The following EPS15 variants were observed in gnomAD, a reference collection of about 807,000 sequenced individuals.
The protein encoded by EPS15 is epidermal growth factor receptor pathway substrate 15.
EPS15 carries 72 observed loss-of-function variants against 113.8 expected under a neutral mutation model. That is an observed-to-expected ratio of 0.63 (90% confidence interval 0.52 to 0.77). The LOEUF (loss-of-function observed/expected upper bound fraction) is 0.77, where lower values mean the gene tolerates loss of function less well. Among genes scored for constraint, EPS15 ranks in the 30% least tolerant of loss-of-function variants. The pLI, the probability that EPS15 is intolerant of heterozygous loss-of-function variation, is 0.00. For missense variants in EPS15, 1,048 were observed against 1,045.8 expected (o/e 1.00, Z -0.03); for synonymous variants, 344 against 363.4 (o/e 0.95, Z 0.61).
chr1:51,441,808 A>G (rs1036800514), intron 11 of EPS15, among the ~76,000 whole-genome samples: 1 of 152,172 alleles, frequency 6.6e-6, no homozygotes, highest in Non-Finnish European at 1.5e-5. Flanking sequence ...TACGTAGTTT[A>G]ATCAAGAGTC....
At chr1:51,473,923 G>T (rs558571765) in intron 2 of EPS15, among the ~76,000 whole-genome samples, 2 of 152,250 alleles carry the variant, frequency 1.3e-5, no homozygotes, top group African/African-American at 4.8e-5. Context: ...TGGAATAAGA[G>T]GAAGTATAAG....
chr1:51,467,152 G>A (rs954211916), intron 5 of EPS15, among the ~76,000 whole-genome samples: 6 of 152,128 alleles, frequency 3.9e-5, no homozygotes, highest in Non-Finnish European at 8.8e-5. Context: ...CTATCAAACC[G>A]CAAAGATCTA....
At chr1:51,500,109 G>A (rs1441005743) in intron 1 of EPS15, among the ~76,000 whole-genome samples, 2 of 152,098 alleles carry the variant, frequency 1.3e-5, no homozygotes, top group Non-Finnish European at 2.9e-5. Flanking sequence ...CCTTCTTGTA[G>A]CATATATCAG....
intron 22 of EPS15, among the ~76,000 whole-genome samples, 183 bp from the exon 23 acceptor site, chr1:51,364,211 T>C (rs111921820): frequency 2.6e-5 from 4 of 152,136 alleles, no homozygotes; most frequent in Non-Finnish European, 5.9e-5. Context: ...AGTTATTCTA[T>C]ATGAGGAGTG....
At chr1:51,419,895 T>C (rs1162204745) in intron 13 of EPS15, among the ~76,000 whole-genome samples, 2 of 152,120 alleles carry the variant, frequency 1.3e-5, no homozygotes, top group Admixed American at 1.3e-4. Flanking sequence ...TAATTACTGG[T>C]AGATGTCAAC....
chr1:51,446,310 T>C (rs577182249), intron 10 of EPS15, among the ~76,000 whole-genome samples: 1 of 152,350 alleles, frequency 6.6e-6, no homozygotes, highest in East Asian at 1.9e-4. Flanking sequence ...ACTATAAAAT[T>C]ATGCAGGTAT....
chr1:51,467,377 T>C (rs1290268049), intron 5 of EPS15, among the ~76,000 whole-genome samples: 2 of 152,250 alleles, frequency 1.3e-5, no homozygotes. Flanking sequence ...TGTCCAAGTT[T>C]ATTATTCATT....
At chr1:51,505,316 T>C (rs1231828817) in intron 1 of EPS15, among the ~76,000 whole-genome samples, 4 of 152,132 alleles carry the variant, frequency 2.6e-5, no homozygotes, top group Non-Finnish European at 4.4e-5. Context: ...AAACAAAATG[T>C]GGTATAACCA....
intron 12 of EPS15, 98 bp from the exon 13 acceptor site, chr1:51,421,956 T>C (rs778226898): frequency 1.3e-6 from 2 of 1,511,992 alleles, no homozygotes; most frequent in Non-Finnish European, 8.9e-7. Context: ...TTTAAATACA[T>C]AGTGAAACAT....
intron 1 of EPS15, among the ~76,000 whole-genome samples, chr1:51,507,882 T>C (rs933881784): frequency 6.6e-6 from 1 of 151,722 alleles, no homozygotes; most frequent in Non-Finnish European, 1.5e-5. Flanking sequence ...ATACTGGAAA[T>C]GAAAAAACAT....
rs981658896 is a variant in EPS15 at position 51,403,327 on chromosome 1, T to C, written c.1791+92A>G. 2.5e-5 allele frequency: 17 copies of C among 675,564 alleles called. No individual in the cohort carries two copies. The Admixed American group carries it at 3.2e-4, about 13-fold the overall frequency. 41.8% of individuals were successfully genotyped at this position (675,564 alleles called of 1,614,324 possible). On this transcript the variant is annotated intron_variant, in intron 17 of 24. Transcript: ENST00000371733. ...ATGTATCTATCATCTGAATAATGTA[T>C]ATTGTACCCATTAAGTAATGTCTGA...
intron 1 of EPS15, among the ~76,000 whole-genome samples, chr1:51,492,999 G>A (rs949214040): frequency 6.6e-6 from 1 of 152,034 alleles, no homozygotes; most frequent in Non-Finnish European, 1.5e-5. Context: ...AGGCCAAGGC[G>A]GGCGGATCAC....
chr1:51,488,485 A>AAAAAAAAAAAAAC (rs1557517774), intron 1 of EPS15, among the ~76,000 whole-genome samples: 17 of 150,714 alleles, frequency 1.1e-4, no homozygotes, highest in African/African-American at 3.9e-4. Context: ...AAAAAAAAAA[A>AAAAAAAAAAAAAC]AAAAAAAAAA....
At chr1:51,500,158 C>T (rs972618410) in intron 1 of EPS15, among the ~76,000 whole-genome samples, 8 of 152,168 alleles carry the variant, frequency 5.3e-5, no homozygotes, top group Non-Finnish European at 1.2e-4. Flanking sequence ...TACTCCGTTG[C>T]ATGTAGATAC....
chr1:51,434,613 G>T (rs1437253112), intron 12 of EPS15, among the ~76,000 whole-genome samples: 1 of 152,156 alleles, frequency 6.6e-6, no homozygotes, highest in African/African-American at 2.4e-5. Context: ...TTTCAGTTTT[G>T]TAAGATGAAA....
At chr1:51,382,372 G>T (rs1458691671) in intron 21 of EPS15, 3 of 151,364 alleles carry the variant, frequency 2.0e-5, no homozygotes, top group Non-Finnish European at 4.4e-5. Context: ...CATGGCCCCT[G>T]TGCAAGGATA....
At chr1:51,404,981 T>C (rs949222002) in intron 16 of EPS15, among the ~76,000 whole-genome samples, 10 of 152,252 alleles carry the variant, frequency 6.6e-5, no homozygotes, top group Non-Finnish European at 1.3e-4. Context: ...CTGTGCTGCA[T>C]GTATTCTTCC....
At chr1:51,385,479 G>A (rs978076850) in intron 21 of EPS15, among the ~76,000 whole-genome samples, 24 of 152,296 alleles carry the variant, frequency 1.6e-4, no homozygotes, top group Admixed American at 1.3e-3. Flanking sequence ...TGGTATGGCT[G>A]CTGTGGAGAA....
chr1:51,440,276 A>ACT (rs751440918), intron 12 of EPS15, 71 bp downstream of exon 12: 134 of 448,956 alleles, frequency 3.0e-4, no homozygotes, highest in South Asian at 2.6e-3. Context: ...ATATACATGT[A>ACT]CTGTGTGTGT....
Sources: gnomAD v4.1 joint callset for allele counts (sites outside exome capture counted in the v4.1 genomes callset) on GRCh38, gnomAD v4.1.1 for gene constraint, MANE v1.5 for transcripts, NCBI Gene and HGNC (gene_info 2026-07-23, HGNC 2026-07-21) for gene names.